The following MRPL1 variants were observed in gnomAD, a reference collection of about 807,000 sequenced individuals.
The protein encoded by MRPL1 is large ribosomal subunit protein uL1m.
Under a neutral mutation model 38.0 loss-of-function variants are expected in MRPL1, and 28 were observed. The observed-to-expected ratio is 0.74, with a 90% confidence interval of 0.55 to 1.01. The LOEUF is 1.01. Among genes scored for constraint, MRPL1 ranks in the 50% least tolerant of loss-of-function variants. The pLI, the probability that MRPL1 is intolerant of heterozygous loss-of-function variation, is 0.00. For missense variants in MRPL1, 358 were observed against 389.8 expected, an observed-to-expected ratio of 0.92 and a Z score of 0.69; for synonymous variants, 123 against 126.7, an observed-to-expected ratio of 0.97 and a Z score of 0.20.
At chr4:77,895,492 A>G (rs1437772771) in intron 6 of MRPL1, among the ~76,000 whole-genome samples, 2 of 152,150 alleles carry the variant, frequency 1.3e-5, no homozygotes, top group Admixed American at 1.3e-4. Context: ...TTGCTGACAC[A>G]GTTTGTTTTA....
intron 2 of MRPL1, 53 bp downstream of exon 2, chr4:77,871,908 TA>T: frequency 8.2e-7 from 1 of 1,212,758 alleles, no homozygotes; most frequent in Non-Finnish European, 1.2e-6. Flanking sequence ...TAATTTTTTT[TA>T]AAAAGCATGT....
chr4:77,940,936 G>A (rs891085533), intron 7 of MRPL1, among the ~76,000 whole-genome samples: 1 of 152,056 alleles, frequency 6.6e-6, no homozygotes, highest in Non-Finnish European at 1.5e-5. Context: ...TGTTGGATTT[G>A]GTCAGCTAGT....
chr4:77,886,309 G>A (rs1735674378), intron 4 of MRPL1, among the ~76,000 whole-genome samples: 1 of 152,008 alleles, frequency 6.6e-6, no homozygotes, highest in South Asian at 2.1e-4. Flanking sequence ...CTGGAACTGC[G>A]GGTGCTAGCC....
chr4:77,938,311 C>T (rs937072053), intron 7 of MRPL1, among the ~76,000 whole-genome samples: 1 of 152,326 alleles, frequency 6.6e-6, no homozygotes, highest in African/African-American at 2.4e-5. Context: ...CTGTTTCATA[C>T]TCTTCTAGAA....
intron 2 of MRPL1, among the ~76,000 whole-genome samples, chr4:77,878,729 A>G (rs1735459556): frequency 6.6e-6 from 1 of 152,098 alleles, no homozygotes; most frequent in South Asian, 2.1e-4. Flanking sequence ...AATAGAAAAA[A>G]TGAGCTGGTC....
chr4:77,886,227 G>A (rs1347452183), intron 4 of MRPL1, among the ~76,000 whole-genome samples: 3 of 152,092 alleles, frequency 2.0e-5, no homozygotes, highest in Non-Finnish European at 4.4e-5. Context: ...GGAGTACAGT[G>A]GTGCAGTCAT....
chr4:77,927,361 CAT>C (rs1336476960), intron 7 of MRPL1, among the ~76,000 whole-genome samples: 2 of 152,012 alleles, frequency 1.3e-5, no homozygotes, highest in African/African-American at 4.8e-5. Flanking sequence ...GTTTTTAAAA[CAT>C]ATTTGGCACA....
At chr4:77,944,515 A>G (rs1737209090) in intron 7 of MRPL1, among the ~76,000 whole-genome samples, 1 of 152,260 alleles carries the variant, frequency 6.6e-6, no homozygotes, top group African/African-American at 2.4e-5. Flanking sequence ...TCGTTCATAT[A>G]AAGTGGTATT....
intron 3 of MRPL1, 24 bp downstream of exon 3, chr4:77,883,524 G>T: frequency 6.4e-7 from 1 of 1,559,806 alleles, no homozygotes; most frequent in Admixed American, 2.0e-5. Context: ...ATTAAAATAA[G>T]TTTACCTGTG....
chr4:77,929,257 T>G (rs1736789514), intron 7 of MRPL1, among the ~76,000 whole-genome samples: 1 of 150,284 alleles, frequency 6.7e-6, no homozygotes, highest in South Asian at 2.1e-4. Flanking sequence ...AGATCCCACA[T>G]CTCTAAATAA....
chr4:77,933,629 G>T (rs1264501617), intron 7 of MRPL1, among the ~76,000 whole-genome samples: 2 of 152,178 alleles, frequency 1.3e-5, no homozygotes, highest in African/African-American at 2.4e-5. Flanking sequence ...GAGCCTGAGG[G>T]TCCTGTGGGA....
intron 2 of MRPL1, among the ~76,000 whole-genome samples, chr4:77,876,678 T>G (rs1735403503): frequency 6.6e-6 from 1 of 152,194 alleles, no homozygotes; most frequent in South Asian, 2.1e-4. Context: ...AAATATTTTT[T>G]TCATGGCTAG....
intron 7 of MRPL1, among the ~76,000 whole-genome samples, chr4:77,948,623 G>A (rs1224364487): frequency 6.6e-6 from 1 of 152,056 alleles, no homozygotes; most frequent in African/African-American, 2.4e-5. Flanking sequence ...TTTTAAGGAG[G>A]AATTCTCTTT....
intron 7 of MRPL1, among the ~76,000 whole-genome samples, chr4:77,941,043 A>T (rs1737114677): frequency 6.6e-6 from 1 of 152,112 alleles, no homozygotes; most frequent in East Asian, 1.9e-4. Context: ...AGGTGGGTGG[A>T]TCACCTGATG....
chr4:77,944,192 G>C lies in MRPL1; in HGVS notation c.778-5605G>C, dbSNP rs79761352. On this transcript the variant is annotated intron_variant, in intron 7 of 8. Transcript: ENST00000315567. ...GCCACCCAGCAGTTACCAGGCTCCA[G>C]GCTGGTACTGGGGCATGTCTGCACA... 2.3e-3 allele frequency among the ~76,000 whole-genome samples: 354 copies of C among 152,282 alleles called. 3 individuals carry two copies. Among genetic ancestry groups the C allele is most frequent in the African/African-American group, 7.8e-3 (326 of 41,558 alleles).
intron 2 of MRPL1, among the ~76,000 whole-genome samples, 177 bp downstream of exon 2, chr4:77,872,032 T>C (rs1335339595): frequency 1.3e-5 from 2 of 152,228 alleles, no homozygotes; most frequent in Non-Finnish European, 2.9e-5. Flanking sequence ...TAACGTTTAT[T>C]GAACACTGAT....
At chr4:77,883,689 C>A (rs537704244) in intron 3 of MRPL1, among the ~76,000 whole-genome samples, 189 bp downstream of exon 3, 6 of 152,144 alleles carry the variant, frequency 3.9e-5, no homozygotes, top group African/African-American at 1.2e-4. Context: ...GTGATCCTGC[C>A]ACCTCAGCTT....
chr4:77,862,920 A>C (rs1735035316), intron 1 of MRPL1, 41 bp downstream of exon 1: 3 of 1,613,512 alleles, frequency 1.9e-6, no homozygotes, highest in South Asian at 2.2e-5. Context: ...TGGCTCTGGC[A>C]CCGAGTCTCT....
At chr4:77,896,193 G>A (rs570230647) in intron 6 of MRPL1, among the ~76,000 whole-genome samples, 1 of 141,256 alleles carries the variant, frequency 7.1e-6, no homozygotes, top group Non-Finnish European at 1.5e-5. Context: ...TTTCTCATTG[G>A]CATCTCAATA....
Sources: gnomAD v4.1 joint callset for allele counts (sites outside exome capture counted in the v4.1 genomes callset) on GRCh38, gnomAD v4.1.1 for gene constraint, MANE v1.5 for transcripts, NCBI Gene and HGNC (gene_info 2026-07-23, HGNC 2026-07-21) for gene names.